CNTN3: variants seen among roughly 807,000 people sequenced by gnomAD.
The protein encoded by CNTN3 is contactin-3.
In CNTN3, 60 loss-of-function variants were observed where a neutral mutation model predicts 119.1. That is an observed-to-expected ratio of 0.50 (90% confidence interval 0.41 to 0.62). CNTN3 has a LOEUF of 0.62. CNTN3 is among the 20% of genes least tolerant of loss of function. The pLI is 0.00. For synonymous variants in CNTN3, 450 were observed against 438.7 expected (o/e 1.03, Z -0.32); for missense variants, 1,101 against 1,242.4 (o/e 0.89, Z 1.71).
At chr3:74,416,108 C>G (rs890761268) in intron 5 of CNTN3, among the ~76,000 whole-genome samples, 1 of 152,128 alleles carries the variant, frequency 6.6e-6, no homozygotes, top group African/African-American at 2.4e-5. Context: ...GGAACAAAAC[C>G]CAAACATTTT....
At chr3:74,563,559 G>GAGGC (rs1216751156) in intron 1 of CNTN3, among the ~76,000 whole-genome samples, 2 of 152,010 alleles carry the variant, frequency 1.3e-5, no homozygotes, top group East Asian at 3.9e-4. Flanking sequence ...CCCAAGTTCT[G>GAGGC]AGGCAGAATA....
chr3:74,508,291 T>C (rs1438366803), intron 2 of CNTN3, among the ~76,000 whole-genome samples: 1 of 152,180 alleles, frequency 6.6e-6, no homozygotes, highest in African/African-American at 2.4e-5. Context: ...TCTGCCATGA[T>C]TGTAAGTTTC....
At chr3:74,297,845 G>A in intron 18 of CNTN3, 112 bp downstream of exon 18, 2 of 759,456 alleles carry the variant, frequency 2.6e-6, no homozygotes, top group Admixed American at 5.3e-5. Context: ...CTACCTGGAT[G>A]ATTGTTCTTT....
intron 4 of CNTN3, among the ~76,000 whole-genome samples, chr3:74,460,816 T>C (rs1050912691): frequency 7.8e-6 from 1 of 128,168 alleles, no homozygotes; most frequent in African/African-American, 3.0e-5. Context: ...TATATATATA[T>C]ATGCCTTTCA....
chr3:74,461,461 A>T (rs1318595910), intron 4 of CNTN3, among the ~76,000 whole-genome samples: 2 of 151,978 alleles, frequency 1.3e-5, no homozygotes, highest in African/African-American at 4.8e-5. Flanking sequence ...ATTAGAGTCA[A>T]GTTATTATTT....
intron 3 of CNTN3, among the ~76,000 whole-genome samples, chr3:74,488,775 T>C (rs1212254272): frequency 6.6e-6 from 1 of 152,214 alleles, no homozygotes; most frequent in Admixed American, 6.5e-5. Flanking sequence ...GAGAATAAAC[T>C]GGAGGTTCCA....
At chr3:74,458,315 CA>C (rs1354315015) in intron 4 of CNTN3, among the ~76,000 whole-genome samples, 1 of 151,918 alleles carries the variant, frequency 6.6e-6, no homozygotes, top group Non-Finnish European at 1.5e-5. Flanking sequence ...CAGGAGTTGG[CA>C]AACTACAGCT....
intron 3 of CNTN3, among the ~76,000 whole-genome samples, chr3:74,486,939 A>G (rs1330411596): frequency 6.6e-6 from 1 of 152,232 alleles, no homozygotes; most frequent in Non-Finnish European, 1.5e-5. Context: ...GCAAAGATGA[A>G]GTAGAAAGTT....
intron 13 of CNTN3, among the ~76,000 whole-genome samples, chr3:74,318,619 G>C (rs916358979): frequency 2.0e-5 from 3 of 152,154 alleles, no homozygotes; most frequent in Admixed American, 6.5e-5. Context: ...GACCCTGTTT[G>C]CCTGGGTATC....
At chr3:74,350,244 T>A (rs371021085) in intron 11 of CNTN3, among the ~76,000 whole-genome samples, 2 of 152,270 alleles carry the variant, frequency 1.3e-5, no homozygotes, top group East Asian at 3.9e-4. Flanking sequence ...TTATTACTCT[T>A]AAGGCATCTG....
In CNTN3 at chr3:74,374,358, G is replaced by T. The variant is rs1488283577; in HGVS notation, c.455-2959C>A. Among the ~76,000 whole-genome samples, 4 of 151,174 alleles carry T rather than the reference G, an allele frequency of 2.6e-5. No homozygotes were observed. The East Asian group carries it at 7.8e-4, about 30-fold the overall frequency. On this transcript the variant is annotated intron_variant, in intron 5 of 22. Transcript: ENST00000263665. ...ATCCTTTAGTCCCATCTTGGTGTAT[G>T]TGTCTCAGGGAATCTCAACATGGGG...
At chr3:74,485,751 AAG>A (rs1702844851) in intron 4 of CNTN3, among the ~76,000 whole-genome samples, 1 of 149,564 alleles carries the variant, frequency 6.7e-6, no homozygotes, top group South Asian at 2.1e-4. Context: ...AAAAAAAAAA[AAG>A]AGAAAATAAG....
chr3:74,466,446 C>T (rs1473428885), intron 4 of CNTN3, among the ~76,000 whole-genome samples: 5 of 152,092 alleles, frequency 3.3e-5, no homozygotes, highest in African/African-American at 9.7e-5. Flanking sequence ...AAATTTATAT[C>T]GATTCCCCAA....
intron 4 of CNTN3, among the ~76,000 whole-genome samples, chr3:74,438,080 T>G (rs1701901884): frequency 6.6e-6 from 1 of 152,208 alleles, no homozygotes; most frequent in Non-Finnish European, 1.5e-5. Context: ...CTTTCCAATG[T>G]GGAAACAAAG....
intron 4 of CNTN3, among the ~76,000 whole-genome samples, chr3:74,478,275 C>A (rs376920284): frequency 6.6e-6 from 1 of 152,120 alleles, no homozygotes; most frequent in South Asian, 2.1e-4. Context: ...AGAGGAAATG[C>A]AATATGACAA....
intron 11 of CNTN3, among the ~76,000 whole-genome samples, chr3:74,353,063 G>T (rs1004700054): frequency 2.6e-5 from 4 of 152,190 alleles, no homozygotes; most frequent in African/African-American, 4.8e-5. Flanking sequence ...GTGAGGAGAG[G>T]AGCCAGGTAG....
At position 74,392,703 on chromosome 3, in the gene CNTN3, C is replaced by A. The variant is rs562774170; in HGVS notation, c.455-21304G>T. ...CACACAAACATATATTAGAAAGATACCAAGTGATGATTGGTGCTACAAAAA... is the reference window on the plus strand; with the variant it reads ...CACACAAACATATATTAGAAAGATAACAAGTGATGATTGGTGCTACAAAAA... On this transcript the variant is annotated intron_variant, in intron 5 of 22. Transcript: ENST00000263665. Among the ~76,000 whole-genome samples, 22 of 152,090 alleles carry A rather than the reference C, an allele frequency of 1.4e-4. 1 individual carries two copies. The highest frequency in any genetic ancestry group is 4.8e-4 in the African/African-American group (20 of 41,466).
Position 74,478,792 on chromosome 3 carries a change from C to T in CNTN3, c.358+7664G>A, listed in dbSNP as rs184777247. ...TCCCACTTGAAAGAGAGAAACAAAC[C>T]AACACAAAACTAAAATGAAACAACC... On this transcript the variant is annotated intron_variant, in intron 4 of 22. Transcript: ENST00000263665. 1.1e-3 allele frequency among the ~76,000 whole-genome samples: 172 copies of T among 152,024 alleles called. 1 individual carries two copies. The highest frequency in any genetic ancestry group is 3.9e-3 in the African/African-American group (163 of 41,470).
intron 3 of CNTN3, among the ~76,000 whole-genome samples, chr3:74,498,136 C>T (rs565685302): frequency 1.3e-5 from 2 of 151,834 alleles, no homozygotes; most frequent in East Asian, 3.9e-4. Flanking sequence ...AGAAAAACAG[C>T]CCACACATGA....
Sources: allele counts gnomAD v4.1 joint callset (sites outside exome capture counted in the v4.1 genomes callset), GRCh38; gene constraint gnomAD v4.1.1; transcripts MANE v1.5; gene names NCBI Gene and HGNC (gene_info 2026-07-23, HGNC 2026-07-21).